Variants in PPP1R36 observed in about 807,000 individuals in gnomAD.
PPP1R36 encodes the protein protein phosphatase 1 regulatory subunit 36, also known as chromosome 14 open reading frame 50.
In PPP1R36, 47 loss-of-function variants were observed where a neutral mutation model predicts 53.4. The observed-to-expected ratio is 0.88, with a 90% CI of 0.70 to 1.12. The LOEUF is 1.12. PPP1R36 is among the 50% of genes most tolerant of loss of function. The pLI, the probability that PPP1R36 is intolerant of heterozygous loss-of-function variation, is 0.00. For missense variants in PPP1R36, 456 were observed against 513.9 expected, an observed-to-expected ratio of 0.89 and a Z score of 1.09; for synonymous variants, 153 against 170.5, an observed-to-expected ratio of 0.90 and a Z score of 0.80.
intron 7 of PPP1R36, among the ~76,000 whole-genome samples, chr14:64,570,418 G>A (rs2080293551): frequency 1.3e-5 from 2 of 152,094 alleles, no homozygotes; most frequent in Admixed American, 1.3e-4. Context: ...GGAGGCAGAG[G>A]TTGCAGTGAG....
At chr14:64,559,222 A>G (rs563370862) in intron 3 of PPP1R36, 3 of 152,362 alleles carry the variant, frequency 2.0e-5, no homozygotes, top group Non-Finnish European at 4.4e-5. Context: ...TTGGAGGTAC[A>G]GGCAGGGATA....
chr14:64,562,113 A>T (rs1197412662), intron 3 of PPP1R36: 1 of 195,884 alleles, frequency 5.1e-6, no homozygotes, highest in African/African-American at 2.4e-5. Flanking sequence ...GGTATAGGCT[A>T]GCTAGCCCAG....
intron 10 of PPP1R36, 113 bp from the exon 11 acceptor site, chr14:64,587,991 G>A (rs538978015): frequency 2.0e-5 from 20 of 999,192 alleles, no homozygotes; most frequent in South Asian, 1.8e-4. Flanking sequence ...TGATCCTCCC[G>A]CCTTGATCTC....
chr14:64,577,607 C>T (rs56403644), intron 8 of PPP1R36, among the ~76,000 whole-genome samples: 7,985 of 152,038 alleles, frequency 0.053, 284 homozygotes, highest in Non-Finnish European at 0.081. Flanking sequence ...ATAATTTTCT[C>T]CAATAAATCT....
chr14:64,563,598 A>T (rs1418442912), intron 3 of PPP1R36, among the ~76,000 whole-genome samples: 2 of 152,224 alleles, frequency 1.3e-5, no homozygotes, highest in Admixed American at 1.3e-4. Flanking sequence ...AGAAGAAGAA[A>T]GTACCAAGCT....
At chr14:64,569,694 G>C (rs2080288064) in intron 7 of PPP1R36, among the ~76,000 whole-genome samples, 1 of 150,994 alleles carries the variant, frequency 6.6e-6, no homozygotes, top group African/African-American at 2.4e-5. Context: ...CTCTTCTGAG[G>C]CTTATTGCTA....
intron 1 of PPP1R36, chr14:64,550,371 C>T (rs2080084776): frequency 5.2e-6 from 5 of 955,070 alleles, no homozygotes; most frequent in Non-Finnish European, 5.4e-6. Context: ...GGGAAGCAGC[C>T]CCGCTCTGGA....
At chr14:64,565,817 C>G in intron 6 of PPP1R36, 125 bp downstream of exon 6, 2 of 704,736 alleles carry the variant, frequency 2.8e-6, no homozygotes, top group Non-Finnish European at 4.9e-6. Context: ...GCAAGCCATC[C>G]TCTCAGGACC....
intron 8 of PPP1R36, among the ~76,000 whole-genome samples, chr14:64,581,736 T>C (rs963222571): frequency 2.0e-5 from 3 of 152,188 alleles, no homozygotes; most frequent in Admixed American, 6.5e-5. Context: ...ATCTCTATGA[T>C]TAAAGATTTT....
chr14:64,582,164 A>C (rs925941773), intron 8 of PPP1R36, among the ~76,000 whole-genome samples: 2 of 151,918 alleles, frequency 1.3e-5, no homozygotes, highest in Non-Finnish European at 2.9e-5. Context: ...ACATGCACCA[A>C]AGCCTCTTTC....
chr14:64,554,147 T>TTTTTTTG (rs1199442051), intron 3 of PPP1R36, among the ~76,000 whole-genome samples: 1 of 139,352 alleles, frequency 7.2e-6, no homozygotes, highest in African/African-American at 2.8e-5. Flanking sequence ...CAATTGTTTT[T>TTTTTTTG]TTTTTTTTTT....
At chr14:64,555,517 T>C (rs918634008) in intron 3 of PPP1R36, among the ~76,000 whole-genome samples, 2 of 152,230 alleles carry the variant, frequency 1.3e-5, no homozygotes, top group East Asian at 3.8e-4. Flanking sequence ...TAAAATTAAA[T>C]GAATGTTGGC....
chr14:64,583,265 T>G (rs892954461), intron 8 of PPP1R36, among the ~76,000 whole-genome samples: 1 of 151,758 alleles, frequency 6.6e-6, no homozygotes, highest in Admixed American at 6.6e-5. Context: ...CAATTTATTT[T>G]AAGTATATGT....
At chr14:64,570,476 C>T (rs141819292) in intron 7 of PPP1R36, among the ~76,000 whole-genome samples, 4,627 of 151,172 alleles carry the variant, frequency 0.031, 124 homozygotes, top group Middle Eastern at 0.048. Flanking sequence ...AGCGAGACTC[C>T]GCCTTAAAAA....
chr14:64,559,957 G>C (rs112558738), intron 3 of PPP1R36, among the ~76,000 whole-genome samples: 2,730 of 151,898 alleles, frequency 0.018, 36 homozygotes, highest in Non-Finnish European at 0.029. Context: ...ACAAAAATTA[G>C]CTGGGCATGG....
At chr14:64,573,433 T>A (rs183537827) in intron 7 of PPP1R36, among the ~76,000 whole-genome samples, 242 of 152,160 alleles carry the variant, frequency 1.6e-3, no homozygotes, top group African/African-American at 5.4e-3. Flanking sequence ...CCAAGCTCAG[T>A]AGTGACATAG....
At chr14:64,559,547 GCAAGGTAAAAGGC>G (rs1242567860) in intron 3 of PPP1R36, 1 of 152,326 alleles carries the variant, frequency 6.6e-6, no homozygotes, top group African/African-American at 2.4e-5. Context: ...ATAGGAATTG[GCAAGGTAAAAGGC>G]CATTTGATTT....
At chr14:64,569,853 C>G (rs897044829) in intron 7 of PPP1R36, among the ~76,000 whole-genome samples, 6 of 151,826 alleles carry the variant, frequency 4.0e-5, no homozygotes, top group Non-Finnish European at 8.8e-5. Context: ...ATTTTCCCAC[C>G]TCAGCCTCCT....
At chr14:64,578,087 G>A (rs1289131446) in intron 8 of PPP1R36, among the ~76,000 whole-genome samples, 1 of 150,372 alleles carries the variant, frequency 6.7e-6, no homozygotes, top group Non-Finnish European at 1.5e-5. Flanking sequence ...GCGCGATCTC[G>A]GCCCACCACA....
Sources: allele counts gnomAD v4.1 joint callset (sites outside exome capture counted in the v4.1 genomes callset), GRCh38; gene constraint gnomAD v4.1.1; transcripts MANE v1.5; gene names NCBI Gene and HGNC (gene_info 2026-07-23, HGNC 2026-07-21).